CDC42SE2: variants seen among roughly 807,000 people sequenced by gnomAD.
CDC42SE2 encodes CDC42 small effector protein 2.
Under a neutral mutation model 11.5 loss-of-function variants are expected in CDC42SE2, and 3 were observed. That is an observed-to-expected ratio of 0.26 (90% CI 0.12 to 0.67). The LOEUF is 0.67. CDC42SE2 is among the 30% of genes least tolerant of loss of function. The probability of loss-of-function intolerance (pLI) is 0.80; values close to 1 mark genes in which losing one functional copy is unlikely to be tolerated. For synonymous variants in CDC42SE2, 33 were observed against 34.8 expected (o/e 0.95, Z 0.18); for missense variants, 82 against 106.8 (o/e 0.77, Z 1.02).
chr5:131,287,070 C>G (rs1482091567), intron 1 of CDC42SE2, among the ~76,000 whole-genome samples: 3 of 152,166 alleles, frequency 2.0e-5, no homozygotes, highest in Non-Finnish European at 4.4e-5. Context: ...TCTTGGCTGA[C>G]TGCAACCTCT....
chr5:131,252,815 T>C (rs1756652165), intron 1 of CDC42SE2, among the ~76,000 whole-genome samples: 1 of 152,242 alleles, frequency 6.6e-6, no homozygotes, highest in Non-Finnish European at 1.5e-5. Context: ...TTATACATGT[T>C]ATTCTTCTAC....
intron 1 of CDC42SE2, among the ~76,000 whole-genome samples, chr5:131,278,038 G>T (rs1324153990): frequency 6.6e-6 from 1 of 152,038 alleles, no homozygotes; most frequent in African/African-American, 2.4e-5. Context: ...CTGTCTCCCA[G>T]GCTGGAGTTC....
At chr5:131,295,684 C>CTT (rs1159996671) in intron 1 of CDC42SE2, among the ~76,000 whole-genome samples, 6 of 139,710 alleles carry the variant, frequency 4.3e-5, no homozygotes, top group Admixed American at 7.3e-5. Flanking sequence ...GGGTGAAACA[C>CTT]TTTTTTTTTT....
the CDC42SE2 span, among the ~76,000 whole-genome samples, chr5:131,230,532 G>C: frequency 6.6e-6 from 1 of 152,204 alleles, no homozygotes; most frequent in Non-Finnish European, 1.5e-5. Context: ...TCTGCTGCTA[G>C]AGGCTGCTGC....
At chr5:131,306,839 C>G (rs1340730724) in intron 1 of CDC42SE2, among the ~76,000 whole-genome samples, 1 of 152,000 alleles carries the variant, frequency 6.6e-6, no homozygotes, top group East Asian at 1.9e-4. Context: ...AATATATATA[C>G]TTTTTGGAGG....
At chr5:131,228,342 G>A in the CDC42SE2 span, among the ~76,000 whole-genome samples, 1 of 152,128 alleles carries the variant, frequency 6.6e-6, no homozygotes, top group Non-Finnish European at 1.5e-5. Context: ...ACTCCAGCCT[G>A]AACAACAGAG....
chr5:131,277,706 A>G (rs1000738594), intron 1 of CDC42SE2, among the ~76,000 whole-genome samples: 3 of 152,132 alleles, frequency 2.0e-5, no homozygotes, highest in African/African-American at 7.2e-5. Context: ...GTGTTTTCCC[A>G]GATGTTTTTT....
rs946898033 is a variant in CDC42SE2, at chr5:131,322,072, G to C, written c.-286+5928G>C. 4.6e-5 allele frequency among the ~76,000 whole-genome samples: 7 copies of C among 151,734 alleles called. No homozygotes were observed. The East Asian group carries it at 1.2e-3, about 25-fold the overall frequency. On this transcript the variant is annotated intron_variant, in intron 2 of 4. Coordinates refer to ENST00000505065, the MANE Select transcript of CDC42SE2 (RefSeq NM_001375635.1). ...TCACCGTGTTAGCCAGGATGGTCTC[G>C]ATCTCCTGACCTCGTGATTCACCTG...
chr5:131,241,904 A>AT (rs1756543415), upstream of CDC42SE2, among the ~76,000 whole-genome samples: 1 of 152,096 alleles, frequency 6.6e-6, no homozygotes, highest in South Asian at 2.1e-4. Context: ...ATATTATGCA[A>AT]TCTTCTATAT....
chr5:131,329,775 A>G (rs1293365340), intron 2 of CDC42SE2, among the ~76,000 whole-genome samples: 1 of 150,290 alleles, frequency 6.7e-6, no homozygotes, highest in East Asian at 2.0e-4. Context: ...GCTACTTGGG[A>G]GGCTGAGGCA....
intron 2 of CDC42SE2, among the ~76,000 whole-genome samples, chr5:131,328,792 G>A (rs999371542): frequency 6.6e-6 from 1 of 152,220 alleles, no homozygotes; most frequent in Non-Finnish European, 1.5e-5. Context: ...TTATGTCCAG[G>A]TGAGTTTAAG....
the CDC42SE2 span, among the ~76,000 whole-genome samples, chr5:131,221,123 C>T: frequency 6.6e-6 from 1 of 152,096 alleles, no homozygotes. Flanking sequence ...TGACCTCATG[C>T]GAGCCACCCG....
chr5:131,365,875 G>A (rs1433716335), intron 3 of CDC42SE2, among the ~76,000 whole-genome samples: 2 of 152,232 alleles, frequency 1.3e-5, no homozygotes, highest in South Asian at 2.1e-4. Context: ...CCAGCTACTC[G>A]GGAGGCTGAG....
intron 1 of CDC42SE2, among the ~76,000 whole-genome samples, chr5:131,293,625 C>T: frequency 6.6e-6 from 1 of 151,664 alleles, no homozygotes; most frequent in East Asian, 1.9e-4. Context: ...TCCACCAGTG[C>T]CTTGATCTTG....
intron 1 of CDC42SE2, among the ~76,000 whole-genome samples, chr5:131,295,126 CAAA>C (rs71000989): frequency 2.1e-5 from 3 of 143,184 alleles, no homozygotes; most frequent in Non-Finnish European, 4.5e-5. Flanking sequence ...GACTAAGTCT[CAAA>C]AAAAAAAAAT....
intron 1 of CDC42SE2, among the ~76,000 whole-genome samples, chr5:131,296,043 A>G (rs945300033): frequency 6.6e-6 from 1 of 152,196 alleles, no homozygotes; most frequent in Admixed American, 6.5e-5. Context: ...CAAAATATGT[A>G]CAATATAAAA....
the CDC42SE2 span, among the ~76,000 whole-genome samples, chr5:131,227,887 A>C: frequency 1.3e-5 from 2 of 152,152 alleles, no homozygotes; most frequent in South Asian, 4.1e-4. Flanking sequence ...TCTACAAAAA[A>C]ATACAAAAAT....
At chr5:131,367,313 CAT>C (rs1749890126) in intron 3 of CDC42SE2, among the ~76,000 whole-genome samples, 1 of 151,900 alleles carries the variant, frequency 6.6e-6, no homozygotes, top group African/African-American at 2.4e-5. Context: ...AATTCTTGTA[CAT>C]ATCTCAGTAT....
rs1750764692 is a variant in CDC42SE2 at position 131,393,918 on chromosome 5, A to G, written c.*2827A>G. 1 of 141,016 alleles carries G rather than the reference A, an allele frequency of 7.1e-6. No individual in the cohort carries two copies. The highest frequency in any genetic ancestry group is 7.7e-5 in the Admixed American group (1 of 12,938). The allele number at this position is 141,016 out of a possible 1,614,324, so 8.7% of individuals were successfully genotyped here. On this transcript the variant is annotated 3_prime_UTR_variant, in exon 5 of 5. Transcript: ENST00000505065. ...AAAGTGGACTTGTCAGCCTATAACT[A>G]CTCTGCAGCTGCCACTAACTCTACA...
Sources: gnomAD v4.1 joint callset for allele counts (sites outside exome capture counted in the v4.1 genomes callset) on GRCh38, gnomAD v4.1.1 for gene constraint, MANE v1.5 for transcripts, NCBI Gene and HGNC (gene_info 2026-07-23, HGNC 2026-07-21) for gene names.